SYNGR1: variants seen among roughly 807,000 people sequenced by gnomAD.
The protein encoded by SYNGR1 is synaptogyrin 1.
Under a neutral mutation model 26.1 loss-of-function variants are expected in SYNGR1, and 14 were observed. The observed-to-expected ratio is 0.54, with a 90% confidence interval of 0.35 to 0.84. The LOEUF (loss-of-function observed/expected upper bound fraction) is 0.84. Among genes scored for constraint, SYNGR1 ranks in the 40% least tolerant of loss-of-function variants. The pLI is 0.01. For missense variants in SYNGR1, 319 were observed against 332.9 expected, an observed-to-expected ratio of 0.96 and a Z score of 0.33; for synonymous variants, 141 against 150.1, an observed-to-expected ratio of 0.94 and a Z score of 0.44.
rs1193806962 is a variant in SYNGR1 at position 39,377,004 on chromosome 22, C to T, written c.483+807C>T. 2.6e-6 allele frequency: 4 copies of T among 1,550,886 alleles called. No homozygotes were observed. The South Asian group carries it at 3.6e-5, about 14-fold the overall frequency. ...ATGTCTGTTTCTTCTCTCCTAATCA[C>T]CCTTCTGCAGAGATCTGGGGCCACA... On this transcript the variant is annotated intron_variant, in intron 3 of 3. Coordinates refer to ENST00000328933, the MANE Select transcript of SYNGR1 (RefSeq NM_004711.5).
chr22:39,357,988 C>T (rs565531903), intron 1 of SYNGR1, among the ~76,000 whole-genome samples: 89 of 152,388 alleles, frequency 5.8e-4, no homozygotes, highest in African/African-American at 2.1e-3. Context: ...AGTGCGAGCG[C>T]ACGGCGCGGG....
rs768535770 is a variant in SYNGR1 at position 39,350,143 on chromosome 22, C to T, written c.99+34C>T. On this transcript the variant is annotated intron_variant, in intron 1 of 3. Transcript: ENST00000328933. The surrounding 1 kb of genome is among the most constrained non-coding windows in gnomAD (Gnocchi z 4.3). Reference sequence around the variant, plus strand: ...GGACTGGCCGACGGCTCTGCCAGGCCGGGGTGGTGGGGGTGTGAGCAAAGG... The same window carrying T: ...GGACTGGCCGACGGCTCTGCCAGGCTGGGGTGGTGGGGGTGTGAGCAAAGG... The T allele has an allele frequency of 8.8e-6, 12 of 1,367,230 alleles. No individual in the cohort carries two copies. The South Asian group carries it at 1.0e-4, about 12-fold the overall frequency. 84.7% of individuals were successfully genotyped at this position (1,367,230 alleles called of 1,614,324 possible).
Position 39,350,043 on chromosome 22 carries a change from CG to C in SYNGR1, c.38del (p.Gly13AlafsTer25). On this transcript the variant is annotated frameshift_variant, in exon 1 of 4. Coordinates refer to ENST00000328933, the MANE Select transcript of SYNGR1 (RefSeq NM_004711.5). LOFTEE classifies it high-confidence loss of function. The surrounding 1 kb of genome is among the most constrained non-coding windows in gnomAD (Gnocchi z 4.3). ...GGGGTGCGTACGGAGCGGGCAAAGC[CG>C]GGGGCGCCTTCGACCCCTACACCCT... ...EGGAYGAGKAGGAFDPYTLVR... is the reference protein window; with the variant it reads ...EGGAYGAGKAXGAFDPYTLVR... The C allele has an allele frequency of 1.2e-5, 17 of 1,419,982 alleles. No homozygotes were observed. Among genetic ancestry groups the C allele is most frequent in the African/African-American group, 3.0e-5 (2 of 67,390 alleles). 88.0% of individuals were successfully genotyped at this position (1,419,982 alleles called of 1,614,324 possible).
chr22:39,360,480 A>G (rs561584736), intron 1 of SYNGR1, among the ~76,000 whole-genome samples: 2 of 152,184 alleles, frequency 1.3e-5, no homozygotes, highest in African/African-American at 4.8e-5. Flanking sequence ...CTCATGGCCA[A>G]CTGTCATTGA....
Position 39,350,075 on chromosome 22 carries a change from G to A in SYNGR1, c.65G>A (p.Arg22Gln), listed in dbSNP as rs1443973620. Residue 22 changes from arginine (R) to glutamine (Q), a missense_variant, in exon 1 of 4, where the codon CGG (arginine) becomes CAG (glutamine). Arg to Gln is a conservative substitution (Grantham distance 43). Transcript: ENST00000328933. This position sits in a 1 kb window ranked among gnomAD's most constrained non-coding sequence, Gnocchi z 4.3. ...GCCTTCGACCCCTACACCCTGGTCC[G>A]GCAGCCGCACACCATCCTGCGCGTC... Reference protein sequence around the residue: ...GGAFDPYTLVRQPHTILRVVS... With the variant: ...GGAFDPYTLVQQPHTILRVVS... 1.4e-6 allele frequency: 2 copies of A among 1,466,334 alleles called. No homozygotes were observed. The highest frequency in any genetic ancestry group is 1.5e-5 in the African/African-American group (1 of 68,286). 90.8% of individuals were successfully genotyped at this position (1,466,334 alleles called of 1,614,324 possible). A position where few individuals can be genotyped will look rare whatever the true frequency, so the allele number is the denominator to read the frequency against.
intron 1 of SYNGR1, among the ~76,000 whole-genome samples, chr22:39,358,217 A>G (rs1300825131): frequency 6.6e-6 from 1 of 152,240 alleles, no homozygotes; most frequent in Non-Finnish European, 1.5e-5. Context: ...CTGTGTGTCC[A>G]AACTCTGTAT....
At chr22:39,365,232 C>T (rs1479181711) in intron 1 of SYNGR1, among the ~76,000 whole-genome samples, 1 of 152,126 alleles carries the variant, frequency 6.6e-6, no homozygotes, top group Non-Finnish European at 1.5e-5. Context: ...ATTTCCGGTT[C>T]TCCAGTGTCT....
intron 2 of SYNGR1, chr22:39,375,073 A>G: frequency 5.8e-6 from 1 of 172,670 alleles, no homozygotes; most frequent in Non-Finnish European, 1.2e-5. Context: ...AGGCACCCTG[A>G]CCTCTGCTCC....
intron 3 of SYNGR1, among the ~76,000 whole-genome samples, chr22:39,376,479 A>C: frequency 6.7e-6 from 1 of 149,576 alleles, no homozygotes; most frequent in Non-Finnish European, 1.5e-5. Context: ...CCCCCAAACC[A>C]CTCTGGGTAA....
chr22:39,367,549 G>A (rs923793423), intron 1 of SYNGR1, among the ~76,000 whole-genome samples: 3 of 152,178 alleles, frequency 2.0e-5, no homozygotes, highest in African/African-American at 4.8e-5. Flanking sequence ...TAGACCGCGC[G>A]AGGTGGCTCA....
chr22:39,376,989 CT>C, intron 3 of SYNGR1: 1 of 1,550,724 alleles, frequency 6.4e-7, no homozygotes, highest in Non-Finnish European at 8.7e-7. Context: ...ATGTCTGTTT[CT>C]TCTCTCCTAA....
At chr22:39,368,393 G>A (rs1377497490) in intron 1 of SYNGR1, among the ~76,000 whole-genome samples, 2 of 152,144 alleles carry the variant, frequency 1.3e-5, no homozygotes, top group African/African-American at 4.8e-5. Flanking sequence ...CCACACAATC[G>A]GCTCCCACAG....
chr22:39,352,301 G>T (rs938472830), intron 1 of SYNGR1, among the ~76,000 whole-genome samples: 6 of 152,222 alleles, frequency 3.9e-5, no homozygotes, highest in African/African-American at 1.4e-4. Context: ...GAACCAAGAG[G>T]TGTCTGATAC....
At chr22:39,377,918 T>G in intron 3 of SYNGR1, 1 of 1,376,554 alleles carries the variant, frequency 7.3e-7, no homozygotes, top group Non-Finnish European at 9.5e-7. Flanking sequence ...AGCAGCTGTT[T>G]TGTGCCTAGT....
intron 1 of SYNGR1, among the ~76,000 whole-genome samples, chr22:39,360,382 C>T (rs1360508043): frequency 6.6e-6 from 1 of 152,184 alleles, no homozygotes; most frequent in Non-Finnish European, 1.5e-5. Flanking sequence ...AGGGTTTCTT[C>T]TGCGGTCTCC....
rs190207720 is a variant in SYNGR1 at position 39,375,248 on chromosome 22, G to A, written c.337+695G>A. 8.1e-4 allele frequency: 127 copies of A among 156,884 alleles called. 1 individual carries two copies. The highest frequency in any genetic ancestry group is 1.4e-3 in the Non-Finnish European group (99 of 70,954). 9.7% of individuals were successfully genotyped at this position (156,884 alleles called of 1,614,324 possible). A position where few individuals can be genotyped will look rare whatever the true frequency, so the allele number is the denominator to read the frequency against. ...GGCTGAAGGCAGGTCATGAGGTCTA[G>A]TTTTAGAAGGAACTAGAACTAAATG... On this transcript the variant is annotated intron_variant, in intron 2 of 3. Coordinates refer to ENST00000328933, the MANE Select transcript of SYNGR1 (RefSeq NM_004711.5).
chr22:39,352,290 C>T (rs148743793), intron 1 of SYNGR1, among the ~76,000 whole-genome samples: 7 of 152,318 alleles, frequency 4.6e-5, no homozygotes, highest in African/African-American at 1.2e-4. Flanking sequence ...CTACCTTTGT[C>T]GAACCAAGAG....
chr22:39,379,363 G>T (rs889592550), intron 3 of SYNGR1, among the ~76,000 whole-genome samples: 4 of 152,238 alleles, frequency 2.6e-5, no homozygotes, highest in African/African-American at 9.6e-5. Context: ...GCTGGGCATG[G>T]TGGCTCATGC....
intron 3 of SYNGR1, chr22:39,378,539 C>A: frequency 1.2e-6 from 1 of 829,480 alleles, no homozygotes; most frequent in Non-Finnish European, 1.5e-6. Context: ...GCTGCCTGGG[C>A]AGGAACTCAC....
Sources: allele counts gnomAD v4.1 joint callset (sites outside exome capture counted in the v4.1 genomes callset), GRCh38; gene constraint gnomAD v4.1.1; non-coding constraint Gnocchi (gnomAD v3.1); transcripts MANE v1.5; gene names NCBI Gene and HGNC (gene_info 2026-07-23, HGNC 2026-07-21).